Variants in RAPGEF2 observed in about 807,000 individuals in gnomAD.
RAPGEF2 encodes PDZ domain containing guanine nucleotide exchange factor (GEF) 1.
Under a neutral mutation model 186.7 loss-of-function variants are expected in RAPGEF2, and 54 were observed. That is an observed-to-expected ratio of 0.29 (90% CI 0.23 to 0.36). RAPGEF2 has a LOEUF of 0.36. RAPGEF2 is among the 10% of genes least tolerant of loss of function. The pLI, the probability that RAPGEF2 is intolerant of heterozygous loss-of-function variation, is 1.00. For synonymous variants in RAPGEF2, 712 were observed against 705.9 expected (o/e 1.01, Z -0.14); for missense variants, 1,532 against 2,045.0 (o/e 0.75, Z 4.84).
chr4:159,236,626 TA>T (rs1360941688), intron 4 of RAPGEF2, among the ~76,000 whole-genome samples: 3 of 135,944 alleles, frequency 2.2e-5, no homozygotes, highest in African/African-American at 5.4e-5. Context: ...TAGACCACTA[TA>T]TTTATAAACT....
intron 7 of RAPGEF2, among the ~76,000 whole-genome samples, chr4:159,280,764 C>G (rs1001153570): frequency 6.6e-6 from 1 of 152,138 alleles, no homozygotes; most frequent in Non-Finnish European, 1.5e-5. Context: ...ATTAACAATA[C>G]TCATTGTATA....
chr4:159,323,829 C>T (rs1765568101), intron 11 of RAPGEF2, among the ~76,000 whole-genome samples: 1 of 151,724 alleles, frequency 6.6e-6, no homozygotes, highest in Non-Finnish European at 1.5e-5. Context: ...AGTGATTCCC[C>T]TGCCTCAGCC....
chr4:159,297,068 G>A (rs1762107996), intron 7 of RAPGEF2, among the ~76,000 whole-genome samples: 1 of 151,968 alleles, frequency 6.6e-6, no homozygotes. Context: ...AGAGGGCTAG[G>A]GTACCATATT....
intron 1 of RAPGEF2, among the ~76,000 whole-genome samples, chr4:159,147,665 CAG>C (rs1233944671): frequency 6.6e-6 from 1 of 152,220 alleles, no homozygotes; most frequent in African/African-American, 2.4e-5. Flanking sequence ...GATTACAAAA[CAG>C]AATGCATACT....
At chr4:159,351,208 G>T (rs1485514427) in intron 26 of RAPGEF2, 7 of 1,527,052 alleles carry the variant, frequency 4.6e-6, no homozygotes, top group Non-Finnish European at 5.3e-6. Context: ...CAAAAATGGG[G>T]TGGGAAAGAG....
At chr4:159,289,911 G>T (rs1760972849) in intron 7 of RAPGEF2, among the ~76,000 whole-genome samples, 1 of 152,146 alleles carries the variant, frequency 6.6e-6, no homozygotes, top group African/African-American at 2.4e-5. Context: ...TATATATTTA[G>T]TACAGAGGCT....
chr4:159,300,962 A>T (rs1295982994), intron 7 of RAPGEF2, among the ~76,000 whole-genome samples: 1 of 152,144 alleles, frequency 6.6e-6, no homozygotes, highest in African/African-American at 2.4e-5. Context: ...TCAGGCCTCT[A>T]TTTCATTAGA....
chr4:159,332,402 A>G (rs1196333343), intron 16 of RAPGEF2, 49 bp from the exon 17 acceptor site: 2 of 1,559,968 alleles, frequency 1.3e-6, no homozygotes, highest in African/African-American at 2.7e-5. Flanking sequence ...AATTGTTCAG[A>G]TATCTTATAA....
intron 3 of RAPGEF2, among the ~76,000 whole-genome samples, chr4:159,202,636 T>C (rs774913123): frequency 3.4e-4 from 51 of 152,214 alleles, no homozygotes; most frequent in South Asian, 6.2e-4. Context: ...AGTTTTGCTC[T>C]TGTTGCCCAG....
intron 19 of RAPGEF2, among the ~76,000 whole-genome samples, chr4:159,340,629 A>G (rs1729259639): frequency 6.6e-6 from 1 of 151,250 alleles, no homozygotes; most frequent in African/African-American, 2.4e-5. Context: ...GCATGTGTCT[A>G]AAAAACAAAA....
intron 1 of RAPGEF2, among the ~76,000 whole-genome samples, chr4:159,135,668 C>G (rs954733217): frequency 1.3e-5 from 2 of 152,054 alleles, no homozygotes; most frequent in African/African-American, 2.4e-5. Context: ...GGCATGATCT[C>G]GGCTCACTGC....
rs74461205 is a variant in RAPGEF2 at position 159,218,768 on chromosome 4, A to G, written c.281+8185A>G. The stretch of plus-strand genomic sequence containing the variant: ...GCGAGACTCCATCTAAAAAAAAAAA[A>G]GTCGTTTTCTTGAAAACCATAAGAC... On this transcript the variant is annotated intron_variant, in intron 4 of 29. Coordinates refer to ENST00000691494, the MANE Select transcript of RAPGEF2 (RefSeq NM_001394067.2). Among the ~76,000 whole-genome samples the G allele has an allele frequency of 6.4e-3, 978 of 152,186 alleles. 5 individuals are homozygous for G. Among genetic ancestry groups the G allele is most frequent in the Non-Finnish European group, 0.011 (734 of 67,972 alleles).
intron 1 of RAPGEF2, among the ~76,000 whole-genome samples, chr4:159,126,879 G>C (rs1404417963): frequency 2.0e-5 from 3 of 152,136 alleles, no homozygotes; most frequent in Admixed American, 6.5e-5. Flanking sequence ...CATGTGCATG[G>C]TAATTGTCAA....
At chr4:159,104,553 A>AGAGAGAGAGAGAGTGT (rs1553991869) in intron 1 of RAPGEF2, among the ~76,000 whole-genome samples, 2 of 136,118 alleles carry the variant, frequency 1.5e-5, no homozygotes, top group Non-Finnish European at 1.6e-5. Context: ...AGAGAGAGAG[A>AGAGAGAGAGAGAGTGT]GTGTGTGTGT....
At chr4:159,143,209 C>T (rs1400343010) in intron 1 of RAPGEF2, among the ~76,000 whole-genome samples, 2 of 152,038 alleles carry the variant, frequency 1.3e-5, no homozygotes, top group African/African-American at 2.4e-5. Flanking sequence ...CTACTGCACT[C>T]CAGACTGGGC....
intron 26 of RAPGEF2, among the ~76,000 whole-genome samples, chr4:159,351,926 G>C (rs1731236672): frequency 6.6e-6 from 1 of 152,230 alleles, no homozygotes; most frequent in African/African-American, 2.4e-5. Flanking sequence ...ACTCCAGCTT[G>C]GGTGACAGAG....
intron 1 of RAPGEF2, among the ~76,000 whole-genome samples, chr4:159,176,698 A>C (rs886076659): frequency 1.3e-5 from 2 of 152,240 alleles, no homozygotes; most frequent in African/African-American, 4.8e-5. Flanking sequence ...TAGGTCTTCA[A>C]AGTCAGTTTC....
chr4:159,199,890 G>A (rs1749223368), intron 3 of RAPGEF2, among the ~76,000 whole-genome samples: 2 of 152,274 alleles, frequency 1.3e-5, no homozygotes, highest in South Asian at 4.1e-4. Flanking sequence ...TGCAGCATAT[G>A]AATCTAAAAG....
In RAPGEF2 at chr4:159,281,936, G is replaced by A. The variant is rs1223052853; in HGVS notation, c.544-22406G>A. ...GAATGCCAGTTATTGTTGTTAGATT[G>A]TAATGCTCGAGTCATTCCTATGTGG... On this transcript the variant is annotated intron_variant, in intron 7 of 29. Transcript: ENST00000691494. Among the ~76,000 whole-genome samples, 3 of 152,272 alleles carry A rather than the reference G, an allele frequency of 2.0e-5. No individual in the cohort carries two copies. In the East Asian group the frequency reaches 5.8e-4, roughly 29 times the overall value.
Sources: allele counts gnomAD v4.1 joint callset (sites outside exome capture counted in the v4.1 genomes callset), GRCh38; gene constraint gnomAD v4.1.1; transcripts MANE v1.5; gene names NCBI Gene and HGNC (gene_info 2026-07-23, HGNC 2026-07-21).